Variants in AGAP1 observed in about 807,000 individuals in gnomAD.
AGAP1 encodes ArfGAP with GTPase domain, ankyrin repeat and PH domain 1.
A neutral mutation model predicts 105.3 loss-of-function variants in AGAP1; 29 were observed. That is an observed-to-expected ratio of 0.28 (90% CI 0.21 to 0.38). The LOEUF (loss-of-function observed/expected upper bound fraction) is 0.38, where lower values mean the gene tolerates loss of function less well. AGAP1 is among the 10% of genes least tolerant of loss of function. AGAP1 has a pLI of 1.00. For synonymous variants in AGAP1, 509 were observed against 485.9 expected, an observed-to-expected ratio of 1.05 and a Z score of -0.63; for missense variants, 998 against 1,165.1, an observed-to-expected ratio of 0.86 and a Z score of 2.09.
rs71400783 is a variant in AGAP1 at position 235,754,426 on chromosome 2, TAAAAAAA to T, written c.673+3948_673+3954del. 7.3e-6 allele frequency among the ~76,000 whole-genome samples: 1 copy of T among 136,672 alleles called. No homozygotes were observed. The highest frequency in any genetic ancestry group is 1.6e-5 in the Non-Finnish European group (1 of 62,484). The allele number at this position is 136,672 out of a possible 152,430, so 89.7% of individuals were successfully genotyped here. A position where few individuals can be genotyped will look rare whatever the true frequency, so the allele number is the denominator to read the frequency against. ...TTCTACATAATGTTTGGCTTGTAAA[TAAAAAAA>T]AAAAAAAAATCCAGCTGCTTCCATT... On this transcript the variant is annotated intron_variant, in intron 6 of 17. Coordinates refer to ENST00000304032, the MANE Select transcript of AGAP1 (RefSeq NM_001037131.3). This position sits in a 1 kb window ranked among gnomAD's most constrained non-coding sequence, Gnocchi z 4.6.
chr2:236,075,930 G>A (rs911779482), intron 16 of AGAP1, among the ~76,000 whole-genome samples: 6 of 152,198 alleles, frequency 3.9e-5, no homozygotes, highest in Non-Finnish European at 8.8e-5. Context: ...ACCTCCGCAG[G>A]GAGTGAGAGC....
chr2:236,023,693 T>C (rs189749647), intron 13 of AGAP1, among the ~76,000 whole-genome samples: 28 of 152,290 alleles, frequency 1.8e-4, no homozygotes, highest in African/African-American at 6.7e-4. Flanking sequence ...GCACTCTTTG[T>C]ACAGCAAACA....
At position 235,970,421 on chromosome 2, in the gene AGAP1, G is replaced by A. The variant is rs1379863995; in HGVS notation, c.1645+1798G>A. ...GGGCAAAAATCACCCTGCCAAGCAC[G>A]TGCAGCCACCCCTCCCTGATTGGGA... On this transcript the variant is annotated intron_variant, in intron 13 of 17. Coordinates refer to ENST00000304032, the MANE Select transcript of AGAP1 (RefSeq NM_001037131.3). The surrounding 1 kb of genome is among the most constrained non-coding windows in gnomAD (Gnocchi z 5.4). Among the ~76,000 whole-genome samples, 2 of 152,058 alleles carry A rather than the reference G, an allele frequency of 1.3e-5. No homozygotes were observed. The highest frequency in any genetic ancestry group is 6.6e-5 in the Admixed American group (1 of 15,266).
chr2:235,803,812 G>A (rs541151684), intron 8 of AGAP1, among the ~76,000 whole-genome samples: 2 of 151,986 alleles, frequency 1.3e-5, no homozygotes, highest in African/African-American at 4.8e-5. Flanking sequence ...ATTTGCAGTA[G>A]GAATTCTACT....
intron 1 of AGAP1, among the ~76,000 whole-genome samples, chr2:235,616,649 G>A (rs530256419): frequency 6.6e-6 from 1 of 152,262 alleles, no homozygotes; most frequent in South Asian, 2.1e-4. Context: ...AAACTTCATA[G>A]GTTTCTGGCT....
intron 13 of AGAP1, among the ~76,000 whole-genome samples, chr2:235,998,172 A>G (rs1332117188): frequency 6.6e-6 from 1 of 152,196 alleles, no homozygotes; most frequent in Non-Finnish European, 1.5e-5. Flanking sequence ...CACAGGAGAG[A>G]GCAAGCGTTA....
rs200423424 is a variant in AGAP1 at position 235,604,486 on chromosome 2, T to A, written c.164-104693T>A. ...AACAGAGCGAGACCCTGTATCAAAATAAAAAAAAAAAAAGTGCTTGTTACT... is the reference window on the plus strand; with the variant it reads ...AACAGAGCGAGACCCTGTATCAAAAAAAAAAAAAAAAAAGTGCTTGTTACT... On this transcript the variant is annotated intron_variant, in intron 1 of 17. Coordinates refer to ENST00000304032, the MANE Select transcript of AGAP1 (RefSeq NM_001037131.3). Among the ~76,000 whole-genome samples, 320 of 135,174 alleles carry A rather than the reference T, an allele frequency of 2.4e-3. 4 individuals carry two copies. Among genetic ancestry groups the A allele is most frequent in the East Asian group, 0.019 (83 of 4,282 alleles). The allele number at this position is 135,174 out of a possible 152,430, so 88.7% of individuals were successfully genotyped here.
rs1315858234 is a variant in AGAP1 at position 235,843,991 on chromosome 2, C to T, written c.1050+36660C>T. Among the ~76,000 whole-genome samples the T allele has an allele frequency of 6.6e-6, 1 of 152,212 alleles. No individual in the cohort carries two copies. Among genetic ancestry groups the T allele is most frequent in the Non-Finnish European group, 1.5e-5 (1 of 68,036 alleles). ...CCTTGCCCGCTGCCCCAGCTCAGAG[C>T]TTGAACCTCTCCCTCTTGGAATCTG... is the stretch of plus-strand genomic sequence containing the variant. On this transcript the variant is annotated intron_variant, in intron 9 of 17. Transcript: ENST00000304032. The surrounding 1 kb of genome is among the most constrained non-coding windows in gnomAD (Gnocchi z 5.9).
chr2:236,114,392 T>C lies in AGAP1; in HGVS notation c.2115-5800T>C, dbSNP rs748440021. 5.9e-5 allele frequency among the ~76,000 whole-genome samples: 9 copies of C among 152,202 alleles called. No individual in the cohort carries two copies. The highest frequency in any genetic ancestry group is 1.3e-4 in the Non-Finnish European group (9 of 68,026). On this transcript the variant is annotated intron_variant, in intron 16 of 17. Coordinates refer to ENST00000304032, the MANE Select transcript of AGAP1 (RefSeq NM_001037131.3). This position sits in a 1 kb window ranked among gnomAD's most constrained non-coding sequence, Gnocchi z 5.0. ...AAGCCATTGTCAGCGTGTCCCTTGGTCATATGTGACTTGCGTATGGAGACG... is the reference window on the plus strand; with the variant it reads ...AAGCCATTGTCAGCGTGTCCCTTGGCCATATGTGACTTGCGTATGGAGACG...
In AGAP1 at chr2:235,751,113, A is replaced by T. The variant is rs568728237; in HGVS notation, c.673+625A>T. 2.6e-5 allele frequency among the ~76,000 whole-genome samples: 4 copies of T among 152,294 alleles called. No homozygotes were observed. Among genetic ancestry groups the T allele is most frequent in the African/African-American group, 9.6e-5 (4 of 41,560 alleles). ...GAGCATGAGGTTCTGCAAGAGGGTC[A>T]CATACTTGTGGATGATCATAGCGCC... On this transcript the variant is annotated intron_variant, in intron 6 of 17. Coordinates refer to ENST00000304032, the MANE Select transcript of AGAP1 (RefSeq NM_001037131.3). This position sits in a 1 kb window ranked among gnomAD's most constrained non-coding sequence, Gnocchi z 5.3.
At position 235,733,873 on chromosome 2, in the gene AGAP1, A is replaced by T. The variant is rs962995518; in HGVS notation, c.311-7090A>T. 6.6e-6 allele frequency among the ~76,000 whole-genome samples: 1 copy of T among 152,168 alleles called. No individual in the cohort carries two copies. The highest frequency in any genetic ancestry group is 1.5e-5 in the Non-Finnish European group (1 of 68,034). ...AAGTTGGGAGAGGAAGTGAAATCTG[A>T]TTTGGCTAAATTTTGTAAACAAAGA... On this transcript the variant is annotated intron_variant, in intron 3 of 17. Coordinates refer to ENST00000304032, the MANE Select transcript of AGAP1 (RefSeq NM_001037131.3). This position sits in a 1 kb window ranked among gnomAD's most constrained non-coding sequence, Gnocchi z 5.0.
At chr2:235,727,244 C>A (rs896069852) in intron 3 of AGAP1, among the ~76,000 whole-genome samples, 6 of 151,880 alleles carry the variant, frequency 4.0e-5, no homozygotes, top group African/African-American at 1.5e-4. Context: ...TAGACTAGGG[C>A]TGGGCAGAAG....
chr2:235,638,911 A>G (rs1048176383), intron 1 of AGAP1, among the ~76,000 whole-genome samples: 4 of 152,138 alleles, frequency 2.6e-5, no homozygotes, highest in Non-Finnish European at 5.9e-5. Flanking sequence ...TCTGGCCTCT[A>G]CCTACTAGAT....
At chr2:235,560,868 C>A (rs912447149) in intron 1 of AGAP1, among the ~76,000 whole-genome samples, 6 of 152,194 alleles carry the variant, frequency 3.9e-5, no homozygotes, top group Non-Finnish European at 7.3e-5. Flanking sequence ...ACCTTCTAAA[C>A]CTCAGGTGTT....
At chr2:235,651,580 G>A (rs565303343) in intron 1 of AGAP1, among the ~76,000 whole-genome samples, 3 of 152,236 alleles carry the variant, frequency 2.0e-5, no homozygotes, top group African/African-American at 4.8e-5. Flanking sequence ...CAGTGATGTC[G>A]ACGACGTAGA....
chr2:235,533,210 C>A (rs531080505), intron 1 of AGAP1, among the ~76,000 whole-genome samples: 205 of 152,256 alleles, frequency 1.3e-3, no homozygotes, highest in Middle Eastern at 0.01. Context: ...TCATTAAAAA[C>A]CAGAAATGGT....
rs954256647 is a variant in AGAP1 at position 236,053,469 on chromosome 2, G to A, written c.2114+4188G>A. 1.3e-5 allele frequency among the ~76,000 whole-genome samples: 2 copies of A among 152,208 alleles called. No individual in the cohort carries two copies. The highest frequency in any genetic ancestry group is 4.8e-5 in the African/African-American group (2 of 41,450). On this transcript the variant is annotated intron_variant, in intron 16 of 17. Coordinates refer to ENST00000304032, the MANE Select transcript of AGAP1 (RefSeq NM_001037131.3). The surrounding 1 kb of genome is among the most constrained non-coding windows in gnomAD (Gnocchi z 4.6). Reference sequence around the variant, plus strand: ...TACAGCAGTGTTTCCGGGGCTGCACGGCAGCGCCCTGGCCCGTTGTTCTTT... The same window carrying A: ...TACAGCAGTGTTTCCGGGGCTGCACAGCAGCGCCCTGGCCCGTTGTTCTTT...
rs1943854051 is a variant in AGAP1, at chr2:235,552,751, G to C, written c.163+57902G>C. On this transcript the variant is annotated intron_variant, in intron 1 of 17. Coordinates refer to ENST00000304032, the MANE Select transcript of AGAP1 (RefSeq NM_001037131.3). This position sits in a 1 kb window ranked among gnomAD's most constrained non-coding sequence, Gnocchi z 5.9. ...AGAGGTGAAGAGTGAGGAGAGAGCA[G>C]TGGCCAAAGTGGAGAGAGTTGAGTT... is the stretch of plus-strand genomic sequence containing the variant. Among the ~76,000 whole-genome samples, 1 of 152,206 alleles carries C rather than the reference G, an allele frequency of 6.6e-6. No individual in the cohort carries two copies. Among genetic ancestry groups the C allele is most frequent in the African/African-American group, 2.4e-5 (1 of 41,462 alleles).
At chr2:235,697,313 C>T (rs540800176) in intron 1 of AGAP1, among the ~76,000 whole-genome samples, 3 of 152,320 alleles carry the variant, frequency 2.0e-5, no homozygotes, top group South Asian at 2.1e-4. Flanking sequence ...ATTGCCGCAT[C>T]GGGATGGGGA....
Sources: gnomAD v4.1 joint callset for allele counts (sites outside exome capture counted in the v4.1 genomes callset) on GRCh38, gnomAD v4.1.1 for gene constraint, Gnocchi (gnomAD v3.1) non-coding constraint, MANE v1.5 for transcripts, NCBI Gene and HGNC (gene_info 2026-07-23, HGNC 2026-07-21) for gene names.